Variants in SPTSSA observed in about 807,000 individuals in gnomAD.
SPTSSA encodes small subunit of serine palmitoyltransferase A.
A neutral mutation model predicts 9.1 loss-of-function variants in SPTSSA; 8 were observed. The observed-to-expected ratio is 0.88, with a 90% confidence interval of 0.51 to 1.58. The LOEUF is 1.58. SPTSSA is among the 40% of genes most tolerant of loss of function. The probability of loss-of-function intolerance (pLI) is 0.00; values close to 1 mark genes in which losing one functional copy is unlikely to be tolerated. For missense variants in SPTSSA, 100 were observed against 93.8 expected, an observed-to-expected ratio of 1.07 and a Z score of -0.27; for synonymous variants, 42 against 37.7, an observed-to-expected ratio of 1.11 and a Z score of -0.41.
At chr14:34,459,712 C>T (rs1344744869) in intron 1 of SPTSSA, among the ~76,000 whole-genome samples, 4 of 151,772 alleles carry the variant, frequency 2.6e-5, no homozygotes, top group East Asian at 1.9e-4. Flanking sequence ...ACCTGGGAGG[C>T]GGAGGTTGCA....
intron 1 of SPTSSA, among the ~76,000 whole-genome samples, chr14:34,447,226 A>T (rs112110543): frequency 1.3e-3 from 51 of 39,240 alleles, no homozygotes; most frequent in Middle Eastern, 0.018. Flanking sequence ...TCCATCTCTT[A>T]AAAAAAAAAA....
At chr14:34,437,935 G>C (rs1209457175) in intron 1 of SPTSSA, among the ~76,000 whole-genome samples, 1 of 151,896 alleles carries the variant, frequency 6.6e-6, no homozygotes, top group Non-Finnish European at 1.5e-5. Flanking sequence ...CAAGTAGCTG[G>C]GACAACAAAC....
rs1223097515 is a variant in SPTSSA at position 34,451,647 on chromosome 14, C to T, written c.112+10449G>A. ...CTGAGGCAGGAGAATGGCGTGAACT[C>T]GGGAGGCGGAGCTTGCAGTGAGATC... On this transcript the variant is annotated intron_variant, in intron 1 of 1. Coordinates refer to ENST00000298130, the MANE Select transcript of SPTSSA (RefSeq NM_138288.4). Among the ~76,000 whole-genome samples the T allele has an allele frequency of 8.2e-5, 12 of 146,430 alleles. No individual in the cohort carries two copies. The East Asian group carries it at 1.9e-3, about 23-fold the overall frequency.
intron 1 of SPTSSA, among the ~76,000 whole-genome samples, chr14:34,447,499 G>A (rs1048276419): frequency 6.6e-6 from 1 of 152,166 alleles, no homozygotes; most frequent in African/African-American, 2.4e-5. Flanking sequence ...TGAAGGAAAT[G>A]TGCAACCATG....
intron 1 of SPTSSA, among the ~76,000 whole-genome samples, chr14:34,455,371 A>G (rs1309453914): frequency 6.6e-6 from 1 of 151,976 alleles, no homozygotes; most frequent in Admixed American, 6.6e-5. Context: ...TGAGGAAAAG[A>G]GCGAAACTGT....
intron 1 of SPTSSA, among the ~76,000 whole-genome samples, chr14:34,442,356 T>C (rs1402103058): frequency 1.3e-5 from 2 of 152,224 alleles, no homozygotes; most frequent in African/African-American, 2.4e-5. Flanking sequence ...ACACCCAGCA[T>C]CCAGTTCTCA....
In SPTSSA at chr14:34,462,189, C is replaced by A; in HGVS notation, c.19G>T (p.Ala7Ser). The change falls in exon 1 of 2, where the codon GCG becomes TCG. Residue 7 changes from alanine to serine, a missense_variant. By Grantham distance (99) the Ala-to-Ser change is moderately conservative. Transcript: ENST00000298130. ...CAGGACATCTGCTTCCAGGCCCGCG[C>A]CAGCGCCATCCCCGCCATGCGCCTC... is the stretch of plus-strand genomic sequence containing the variant. MAGMAL[A>S]RAWKQMSWFY... The A allele has an allele frequency of 1.3e-6, 2 of 1,532,276 alleles. No individual in the cohort carries two copies. Among genetic ancestry groups the A allele is most frequent in the Non-Finnish European group, 1.8e-6 (2 of 1,135,996 alleles). The allele number at this position is 1,532,276 out of a possible 1,614,324, so 94.9% of individuals were successfully genotyped here.
At chr14:34,441,453 G>A (rs1883314765) in intron 1 of SPTSSA, among the ~76,000 whole-genome samples, 1 of 152,190 alleles carries the variant, frequency 6.6e-6, no homozygotes, top group African/African-American at 2.4e-5. Flanking sequence ...AAATTGTGGA[G>A]TGTACTTTCA....
intron 1 of SPTSSA, among the ~76,000 whole-genome samples, chr14:34,452,235 G>A (rs1260268485): frequency 4.6e-5 from 6 of 130,770 alleles, no homozygotes; most frequent in Admixed American, 1.7e-4. Context: ...AACAGAGTGA[G>A]ACTCAATCTC....
chr14:34,438,319 T>A (rs1256349303), intron 1 of SPTSSA, among the ~76,000 whole-genome samples: 1 of 152,164 alleles, frequency 6.6e-6, no homozygotes, highest in African/African-American at 2.4e-5. Context: ...AATATTTGCA[T>A]TATACTTAAC....
chr14:34,455,671 C>A (rs1423779220), intron 1 of SPTSSA, among the ~76,000 whole-genome samples: 1 of 152,118 alleles, frequency 6.6e-6, no homozygotes, highest in Non-Finnish European at 1.5e-5. Context: ...GTGGCTCACA[C>A]CTGTAATCCC....
chr14:34,462,016 A>G, intron 1 of SPTSSA, 80 bp downstream of exon 1: 1 of 928,800 alleles, frequency 1.1e-6, no homozygotes, highest in South Asian at 4.5e-5. Context: ...CCTCCACCCC[A>G]GGCCCGGGGC....
intron 1 of SPTSSA, among the ~76,000 whole-genome samples, chr14:34,461,160 C>T (rs116823593): frequency 2.0e-5 from 3 of 152,120 alleles, no homozygotes; most frequent in Non-Finnish European, 4.4e-5. Context: ...TTGTGAAATA[C>T]CTGTTTTGTA....
chr14:34,458,660 CTAATT>C (rs1308915979), intron 1 of SPTSSA, among the ~76,000 whole-genome samples: 2 of 120,422 alleles, frequency 1.7e-5, no homozygotes, highest in Non-Finnish European at 3.3e-5. Flanking sequence ...CCACACTCAG[CTAATT>C]TTTTTTTTTT....
intron 1 of SPTSSA, among the ~76,000 whole-genome samples, chr14:34,461,011 C>A (rs981694135): frequency 6.6e-6 from 1 of 152,104 alleles, no homozygotes; most frequent in Non-Finnish European, 1.5e-5. Context: ...AACAAATAAA[C>A]ACACTTGATA....
chr14:34,444,533 C>T (rs1334894315), intron 1 of SPTSSA, among the ~76,000 whole-genome samples: 1 of 152,112 alleles, frequency 6.6e-6, no homozygotes. Flanking sequence ...GTGGGTGGAT[C>T]CCGAGGTCAA....
At chr14:34,436,778 T>C (rs1594616153) in intron 1 of SPTSSA, among the ~76,000 whole-genome samples, 1 of 151,972 alleles carries the variant, frequency 6.6e-6, no homozygotes, top group Non-Finnish European at 1.5e-5. Flanking sequence ...GAGCCAGAGG[T>C]CAAACCAAGA....
chr14:34,446,990 G>A (rs1485434242), intron 1 of SPTSSA, among the ~76,000 whole-genome samples: 3 of 150,046 alleles, frequency 2.0e-5, no homozygotes, highest in South Asian at 2.1e-4. Flanking sequence ...TTGAGAGGCC[G>A]AGGCAGGTGG....
At chr14:34,444,860 CAAG>C (rs1035183698) in intron 1 of SPTSSA, among the ~76,000 whole-genome samples, 2 of 151,624 alleles carry the variant, frequency 1.3e-5, no homozygotes, top group Non-Finnish European at 2.9e-5. Context: ...TTTGAGAGAA[CAAG>C]GAGGGCGAAT....
Sources: gnomAD v4.1 joint callset for allele counts (sites outside exome capture counted in the v4.1 genomes callset) on GRCh38, gnomAD v4.1.1 for gene constraint, MANE v1.5 for transcripts, NCBI Gene and HGNC (gene_info 2026-07-23, HGNC 2026-07-21) for gene names.